GRIN2B: variants seen among roughly 807,000 people sequenced by gnomAD.
The protein encoded by GRIN2B is glutamate receptor ionotropic, NMDA 2B.
Under a neutral mutation model 114.5 loss-of-function variants are expected in GRIN2B, and 5 were observed. The observed-to-expected ratio is 0.04, with a 90% CI of 0.02 to 0.09. The LOEUF is 0.09. GRIN2B is among the 10% of genes least tolerant of loss of function. The pLI is 1.00. For synonymous variants in GRIN2B, 787 were observed against 745.1 expected (o/e 1.06, Z -0.92); for missense variants, 1,108 against 1,943.5 (o/e 0.57, Z 8.08).
intron 2 of GRIN2B, among the ~76,000 whole-genome samples, chr12:13,900,344 G>A (rs1008761965): frequency 6.6e-6 from 1 of 151,842 alleles, no homozygotes; most frequent in African/African-American, 2.4e-5. Flanking sequence ...TCATGGTGGT[G>A]GACGCCTATA....
intron 3 of GRIN2B, among the ~76,000 whole-genome samples, chr12:13,851,089 C>T (rs993580853): frequency 6.6e-6 from 1 of 152,022 alleles, no homozygotes; most frequent in Admixed American, 6.6e-5. Context: ...TTTGGCCCAC[C>T]CCACTCTCCT....
intron 3 of GRIN2B, among the ~76,000 whole-genome samples, chr12:13,760,855 A>T (rs952731579): frequency 2.0e-5 from 3 of 152,234 alleles, no homozygotes; most frequent in Non-Finnish European, 4.4e-5. Context: ...ATCCTAAATG[A>T]TCATCTCCTT....
intron 3 of GRIN2B, among the ~76,000 whole-genome samples, chr12:13,763,821 T>C (rs1001524082): frequency 1.3e-5 from 2 of 152,196 alleles, no homozygotes; most frequent in African/African-American, 4.8e-5. Context: ...TGTTCAGTGT[T>C]TGATTGGTTG....
chr12:13,892,851 G>C (rs1425302442), intron 2 of GRIN2B, among the ~76,000 whole-genome samples: 1 of 152,138 alleles, frequency 6.6e-6, no homozygotes, highest in Non-Finnish European at 1.5e-5. Context: ...TAAGATTTAA[G>C]AAACTGTAGA....
At chr12:13,813,088 C>G (rs765430444) in intron 3 of GRIN2B, among the ~76,000 whole-genome samples, 1 of 151,634 alleles carries the variant, frequency 6.6e-6, no homozygotes, top group Non-Finnish European at 1.5e-5. Flanking sequence ...TACAGACGTC[C>G]GCCACCACTC....
At chr12:13,828,669 T>C (rs1591755143) in intron 3 of GRIN2B, among the ~76,000 whole-genome samples, 1 of 152,180 alleles carries the variant, frequency 6.6e-6, no homozygotes, top group South Asian at 2.1e-4. Flanking sequence ...GGAATAATAA[T>C]CCTGTGCTAC....
intron 2 of GRIN2B, among the ~76,000 whole-genome samples, chr12:13,889,254 G>A (rs376303223): frequency 6.6e-6 from 1 of 152,110 alleles, no homozygotes; most frequent in African/African-American, 2.4e-5. Context: ...TGGGACCACC[G>A]TCAAATATGT....
intron 3 of GRIN2B, among the ~76,000 whole-genome samples, chr12:13,818,177 T>C (rs997660743): frequency 5.3e-5 from 8 of 152,190 alleles, no homozygotes; most frequent in South Asian, 2.1e-4. Flanking sequence ...TGCAATAATA[T>C]TTGCAAGGCA....
chr12:13,544,183 T>C lies in GRIN2B; in HGVS notation c.*18600A>G, dbSNP rs868334467. 2 of 152,238 alleles carry C rather than the reference T, an allele frequency of 1.3e-5. No individual in the cohort carries two copies. The allele number at this position is 152,238 out of a possible 1,614,324, so 9.4% of individuals were successfully genotyped here. A position where few individuals can be genotyped will look rare whatever the true frequency, so the allele number is the denominator to read the frequency against. ...GTCTCTACCTCCTCTCCTTCCCCTC[T>C]TTCTTGAATCCACCCCATCATGCTT... is the stretch of plus-strand genomic sequence containing the variant. On this transcript the variant is annotated 3_prime_UTR_variant, in exon 14 of 14. Transcript: ENST00000609686.
At chr12:13,917,375 C>T (rs1277455248) in intron 2 of GRIN2B, among the ~76,000 whole-genome samples, 1 of 152,162 alleles carries the variant, frequency 6.6e-6, no homozygotes, top group Non-Finnish European at 1.5e-5. Context: ...ACGATGGTGA[C>T]GCAAAACTTC....
chr12:13,797,763 T>C (rs1284698298), intron 3 of GRIN2B, among the ~76,000 whole-genome samples: 1 of 152,216 alleles, frequency 6.6e-6, no homozygotes, highest in Middle Eastern at 3.2e-3. Context: ...CTTTACATAA[T>C]CTTTATCCTT....
chr12:13,961,919 C>T (rs1199176878), intron 2 of GRIN2B, among the ~76,000 whole-genome samples: 1 of 152,036 alleles, frequency 6.6e-6, no homozygotes, highest in African/African-American at 2.4e-5. Context: ...TCTGGAAGAG[C>T]AATTCTCAGA....
intron 2 of GRIN2B, among the ~76,000 whole-genome samples, chr12:13,869,487 C>G (rs1203460151): frequency 1.3e-5 from 2 of 151,974 alleles, no homozygotes; most frequent in Non-Finnish European, 2.9e-5. Flanking sequence ...CATTTTTGAC[C>G]TGCTAGTCAA....
intron 3 of GRIN2B, among the ~76,000 whole-genome samples, chr12:13,757,035 C>G (rs369371287): frequency 1.3e-5 from 2 of 152,158 alleles, no homozygotes; most frequent in Non-Finnish European, 2.9e-5. Context: ...CCTTACCGTA[C>G]CTTCTAGTTC....
rs112178750 is a variant in GRIN2B at position 13,978,279 on chromosome 12, G to A, written c.-19+1649C>T. Reference sequence around the variant, plus strand: ...CTTGGAGTGGAAGCAGATGGAGAATGAGTTCAGGTGTCTCTAAGGTGAGCA... The same window carrying A: ...CTTGGAGTGGAAGCAGATGGAGAATAAGTTCAGGTGTCTCTAAGGTGAGCA... On this transcript the variant is annotated intron_variant, in intron 2 of 13. Transcript: ENST00000609686. 3.5e-3 allele frequency among the ~76,000 whole-genome samples: 532 copies of A among 152,308 alleles called. 1 individual carries two copies. The highest frequency in any genetic ancestry group is 4.7e-3 in the Non-Finnish European group (321 of 68,028).
intron 2 of GRIN2B, among the ~76,000 whole-genome samples, chr12:13,970,432 A>G (rs1862887875): frequency 1.3e-5 from 2 of 152,190 alleles, no homozygotes; most frequent in Admixed American, 6.6e-5. Flanking sequence ...GCAAGGAAAT[A>G]GAAACATAAA....
chr12:13,916,712 TACAC>T (rs1156830012), intron 2 of GRIN2B, among the ~76,000 whole-genome samples: 55 of 96,932 alleles, frequency 5.7e-4, no homozygotes, highest in African/African-American at 1.9e-3. Context: ...CATATACATA[TACAC>T]ACACACACAC....
intron 3 of GRIN2B, among the ~76,000 whole-genome samples, chr12:13,768,699 CTTAG>C (rs1478999530): frequency 2.6e-5 from 4 of 152,288 alleles, no homozygotes; most frequent in East Asian, 1.9e-4. Flanking sequence ...TGTGCAACAA[CTTAG>C]TTAGTCTTTG....
intron 2 of GRIN2B, among the ~76,000 whole-genome samples, chr12:13,902,508 T>C (rs529163454): frequency 6.6e-6 from 1 of 152,244 alleles, no homozygotes; most frequent in South Asian, 2.1e-4. Context: ...TCTGAAGAGT[T>C]TGTGTAAGAG....
Sources: gnomAD v4.1 joint callset for allele counts (sites outside exome capture counted in the v4.1 genomes callset) on GRCh38, gnomAD v4.1.1 for gene constraint, MANE v1.5 for transcripts, NCBI Gene and HGNC (gene_info 2026-07-23, HGNC 2026-07-21) for gene names.